Variants in EMC2 observed in about 807,000 individuals in gnomAD.
EMC2 encodes the protein ER membrane protein complex subunit 2, also known as TPR repeat protein 35.
In EMC2, 37 loss-of-function variants were observed where a neutral mutation model predicts 51.6. That is an observed-to-expected ratio of 0.72 (90% CI 0.55 to 0.94). The LOEUF (loss-of-function observed/expected upper bound fraction) is 0.94. Among genes scored for constraint, EMC2 ranks in the 40% least tolerant of loss-of-function variants. EMC2 has a pLI of 0.00. For synonymous variants in EMC2, 131 were observed against 112.4 expected (o/e 1.17, Z -1.04); for missense variants, 359 against 350.9 (o/e 1.02, Z -0.18).
chr8:108,458,590 CTG>C (rs1819224486), intron 5 of EMC2, among the ~76,000 whole-genome samples: 1 of 152,180 alleles, frequency 6.6e-6, no homozygotes, highest in Non-Finnish European at 1.5e-5. Context: ...TGCTTGAGCT[CTG>C]TGTTGGTCCC....
intron 4 of EMC2, 34 bp from the exon 5 acceptor site, chr8:108,455,839 A>C (rs1341225169): frequency 1.3e-6 from 1 of 770,032 alleles, no homozygotes. Flanking sequence ...TTTTAAGGTA[A>C]TAATTGTAGA....
intron 10 of EMC2, among the ~76,000 whole-genome samples, chr8:108,484,158 CCTT>C (rs1285319491): frequency 6.6e-6 from 1 of 151,950 alleles, no homozygotes; most frequent in East Asian, 1.9e-4. Context: ...CCAGATAAAT[CCTT>C]CTTTGTTGCA....
At chr8:108,484,334 T>G (rs1811097798) in intron 10 of EMC2, among the ~76,000 whole-genome samples, 1 of 152,080 alleles carries the variant, frequency 6.6e-6, no homozygotes, top group African/African-American at 2.4e-5. Context: ...ACAGAATAAT[T>G]GCATGTCAGA....
At position 108,457,685 on chromosome 8, in the gene EMC2, C is replaced by T. The variant is rs1241798154; in HGVS notation, c.363+1755C>T. On this transcript the variant is annotated intron_variant, in intron 5 of 10. Coordinates refer to ENST00000220853, the MANE Select transcript of EMC2 (RefSeq NM_014673.5). ...GATACCCGCCCCCATAATTCAGTCA[C>T]CTCCCACTGGGTTCCTCCCATGACA... 3.3e-5 allele frequency among the ~76,000 whole-genome samples: 5 copies of T among 152,230 alleles called. No individual in the cohort carries two copies. The East Asian group carries it at 7.7e-4, about 24-fold the overall frequency.
In EMC2 at chr8:108,487,618, G is replaced by A. The variant is rs1463026914; in HGVS notation, c.*1020G>A. 6.6e-6 allele frequency among the ~76,000 whole-genome samples: 1 copy of A among 151,748 alleles called. No homozygotes were observed. Among genetic ancestry groups the A allele is most frequent in the African/African-American group, 2.4e-5 (1 of 41,368 alleles). ...TTCACCGCAAATATTTATGGTATTT[G>A]TTTATAATAAATATATTTAAATTTA... On this transcript the variant is annotated 3_prime_UTR_variant, in exon 11 of 11. Coordinates refer to ENST00000220853, the MANE Select transcript of EMC2 (RefSeq NM_014673.5).
chr8:108,470,257 A>G, intron 7 of EMC2, 136 bp downstream of exon 7: 1 of 612,208 alleles, frequency 1.6e-6, no homozygotes, highest in Middle Eastern at 2.6e-4. Context: ...ACAAATCAAC[A>G]ATTAAATGAA....
intron 1 of EMC2, among the ~76,000 whole-genome samples, chr8:108,449,176 C>A (rs557592708): frequency 6.6e-6 from 1 of 152,130 alleles, no homozygotes; most frequent in East Asian, 1.9e-4. Context: ...TGCAGTGGTG[C>A]AATCACAGGT....
At chr8:108,464,571 A>AT (rs946108559) in intron 5 of EMC2, among the ~76,000 whole-genome samples, 3 of 152,230 alleles carry the variant, frequency 2.0e-5, no homozygotes, top group Non-Finnish European at 2.9e-5. Context: ...GTGGTTGTGG[A>AT]TACCCCCAGG....
intron 10 of EMC2, among the ~76,000 whole-genome samples, chr8:108,483,244 G>T (rs1811078448): frequency 6.6e-6 from 1 of 152,012 alleles, no homozygotes; most frequent in African/African-American, 2.4e-5. Context: ...GAGGTATATT[G>T]AGATATAATT....
intron 7 of EMC2, 79 bp downstream of exon 7, chr8:108,470,200 G>A: frequency 1.1e-6 from 1 of 906,656 alleles, no homozygotes; most frequent in Non-Finnish European, 1.8e-6. Flanking sequence ...GGTTTCCAAA[G>A]GATTGGTGAG....
chr8:108,479,111 GT>G lies in EMC2; in HGVS notation c.807+3del. 1 of 1,513,744 alleles carries G rather than the reference GT, an allele frequency of 6.6e-7. No homozygotes were observed. The highest frequency in any genetic ancestry group is 8.9e-7 in the Non-Finnish European group (1 of 1,120,646). The allele number at this position is 1,513,744 out of a possible 1,614,324, so 93.8% of individuals were successfully genotyped here. On this transcript the variant is annotated splice_donor_variant, in intron 10 of 10. Coordinates refer to ENST00000220853, the MANE Select transcript of EMC2 (RefSeq NM_014673.5). LOFTEE classifies it high-confidence loss of function. ...TAGTCAAATAAACAGAGCTTATCAG[GT>G]TAGTATTTATTGATCATTTTGCTAT...
chr8:108,463,616 T>C (rs1377981367), intron 5 of EMC2, among the ~76,000 whole-genome samples: 2 of 152,204 alleles, frequency 1.3e-5, no homozygotes, highest in African/African-American at 4.8e-5. Flanking sequence ...ACTCTGCCTA[T>C]TGTGATATAT....
chr8:108,452,963 G>A (rs965908683), intron 3 of EMC2, 99 bp from the exon 4 acceptor site: 12 of 485,840 alleles, frequency 2.5e-5, no homozygotes, highest in African/African-American at 2.4e-4. Context: ...TGACACTAAT[G>A]AAATTATTCA....
intron 10 of EMC2, among the ~76,000 whole-genome samples, chr8:108,482,817 C>G (rs556368282): frequency 2.2e-4 from 33 of 152,092 alleles, no homozygotes; most frequent in African/African-American, 7.7e-4. Flanking sequence ...CTCCTGGCCT[C>G]AAGTAATCCT....
intron 7 of EMC2, chr8:108,474,961 A>G (rs562805680): frequency 6.6e-5 from 10 of 152,152 alleles, no homozygotes; most frequent in Non-Finnish European, 1.2e-4. Context: ...ATTAGTATAC[A>G]TGTGTGAAAC....
intron 10 of EMC2, among the ~76,000 whole-genome samples, chr8:108,480,043 T>G (rs1217422539): frequency 1.3e-5 from 2 of 152,188 alleles, no homozygotes; most frequent in Non-Finnish European, 2.9e-5. Context: ...ATGATTTGTT[T>G]TATTGATTAT....
At chr8:108,459,721 A>AGAGAGAGTGTGTGTGTGTGTGTGT (rs763020311) in intron 5 of EMC2, among the ~76,000 whole-genome samples, 1 of 136,878 alleles carries the variant, frequency 7.3e-6, no homozygotes, top group African/African-American at 3.0e-5. Context: ...AGAGAGAGAG[A>AGAGAGAGTGTGTGTGTGTGTGTGT]GTGTGTGTGT....
At chr8:108,459,398 A>G (rs1445753396) in intron 5 of EMC2, among the ~76,000 whole-genome samples, 1 of 152,214 alleles carries the variant, frequency 6.6e-6, no homozygotes, top group Non-Finnish European at 1.5e-5. Flanking sequence ...GGCAATTTAC[A>G]AAAGAATAAG....
chr8:108,478,886 T>G, intron 9 of EMC2, 120 bp from the exon 10 acceptor site: 1 of 399,208 alleles, frequency 2.5e-6, no homozygotes, highest in Non-Finnish European at 4.4e-6. Flanking sequence ...TATTAAAAAT[T>G]ATTTTAATAC....
Sources: allele counts gnomAD v4.1 joint callset (sites outside exome capture counted in the v4.1 genomes callset), GRCh38; gene constraint gnomAD v4.1.1; transcripts MANE v1.5; gene names NCBI Gene and HGNC (gene_info 2026-07-23, HGNC 2026-07-21).